NALCN: variants seen among roughly 807,000 people sequenced by gnomAD.
NALCN encodes sodium leak channel NALCN.
In NALCN, 111 loss-of-function variants were observed where a neutral mutation model predicts 225.3. That is an observed-to-expected ratio of 0.49 (90% CI 0.42 to 0.58). The LOEUF (loss-of-function observed/expected upper bound fraction) is 0.58. Ranked by LOEUF, NALCN falls within the 20% of genes least tolerant of loss-of-function variation. NALCN has a pLI of 0.00. For missense variants in NALCN, 1,378 were observed against 2,202.4 expected (o/e 0.63, Z 7.49); for synonymous variants, 764 against 769.0 (o/e 0.99, Z 0.11).
At chr13:101,203,215 CTA>C (rs2040191567) in intron 13 of NALCN, among the ~76,000 whole-genome samples, 2 of 151,460 alleles carry the variant, frequency 1.3e-5, no homozygotes, top group African/African-American at 4.9e-5. Context: ...TCCGGAATTC[CTA>C]TGTTTTCTTT....
At chr13:101,122,778 T>C (rs1433112757) in intron 18 of NALCN, among the ~76,000 whole-genome samples, 2 of 152,232 alleles carry the variant, frequency 1.3e-5, no homozygotes, top group Non-Finnish European at 2.9e-5. Flanking sequence ...TATTTTTCAA[T>C]TCAAATAACA....
At chr13:101,338,168 T>C (rs2045442549) in intron 7 of NALCN, among the ~76,000 whole-genome samples, 1 of 152,230 alleles carries the variant, frequency 6.6e-6, no homozygotes, top group Non-Finnish European at 1.5e-5. Context: ...CTTTTGAATA[T>C]ATAGAACAGG....
In NALCN at chr13:101,399,784, G is replaced by A. The variant is rs61973731; in HGVS notation, c.-39-619C>T. ...AAATTGTTCATGAAATTACATTGAG[G>A]TGGGAGATGAGATGCCTGCTAACTG... On this transcript the variant is annotated intron_variant, in intron 1 of 43. Transcript: ENST00000251127. 5.4e-3 allele frequency among the ~76,000 whole-genome samples: 825 copies of A among 152,266 alleles called. 2 individuals carry two copies. The highest frequency in any genetic ancestry group is 9.2e-3 in the Non-Finnish European group (627 of 68,014).
chr13:101,305,411 T>C (rs1367079734), intron 7 of NALCN, among the ~76,000 whole-genome samples: 2 of 152,220 alleles, frequency 1.3e-5, no homozygotes, highest in African/African-American at 4.8e-5. Flanking sequence ...GCACAAATCA[T>C]TGAAGTTAAA....
At chr13:101,287,532 C>T (rs1037102922) in intron 9 of NALCN, among the ~76,000 whole-genome samples, 2 of 152,134 alleles carry the variant, frequency 1.3e-5, no homozygotes, top group South Asian at 4.1e-4. Flanking sequence ...ATTAATAGTG[C>T]CCACTTCACA....
At position 101,231,195 on chromosome 13, in the gene NALCN, T is replaced by TACAC. The variant is rs113196890; in HGVS notation, c.1435-1615_1435-1612dup. Among the ~76,000 whole-genome samples, 31 of 151,156 alleles carry TACAC rather than the reference T, an allele frequency of 2.1e-4. 1 individual carries two copies. Among genetic ancestry groups the TACAC allele is most frequent in the African/African-American group, 7.0e-4 (29 of 41,166 alleles). On this transcript the variant is annotated intron_variant, in intron 12 of 43. Coordinates refer to ENST00000251127, the MANE Select transcript of NALCN (RefSeq NM_052867.4). ...CTGTTAAATGATGCATGACTGTGTA[T>TACAC]ACACACACACACACACATCTAAATA...
intron 3 of NALCN, among the ~76,000 whole-genome samples, chr13:101,383,765 G>A (rs1464465067): frequency 6.6e-6 from 1 of 152,156 alleles, no homozygotes; most frequent in Non-Finnish European, 1.5e-5. Context: ...ACGAGATTAT[G>A]AGATGACTTA....
At chr13:101,122,228 CA>C (rs1486887373) in intron 18 of NALCN, among the ~76,000 whole-genome samples, 2 of 152,054 alleles carry the variant, frequency 1.3e-5, no homozygotes, top group African/African-American at 4.8e-5. Context: ...AGCATAGAAG[CA>C]ATGAAGAAAC....
intron 3 of NALCN, among the ~76,000 whole-genome samples, chr13:101,390,181 C>A (rs1293392746): frequency 6.6e-6 from 1 of 151,630 alleles, no homozygotes; most frequent in African/African-American, 2.4e-5. Flanking sequence ...GACAACATGA[C>A]CAAAAGAAAT....
intron 7 of NALCN, among the ~76,000 whole-genome samples, chr13:101,328,753 A>T (rs934122183): frequency 1.3e-5 from 2 of 152,116 alleles, no homozygotes; most frequent in African/African-American, 2.4e-5. Context: ...TTCCTATGAC[A>T]CTCTGTGATA....
In NALCN at chr13:101,322,585, T is replaced by G. The variant is rs187417633; in HGVS notation, c.799+22681A>C. Among the ~76,000 whole-genome samples, 31 of 152,368 alleles carry G rather than the reference T, an allele frequency of 2.0e-4. 1 individual carries two copies. In the East Asian group the frequency reaches 2.9e-3, roughly 14 times the overall value. On this transcript the variant is annotated intron_variant, in intron 7 of 43. Coordinates refer to ENST00000251127, the MANE Select transcript of NALCN (RefSeq NM_052867.4). ...CTAATATCGTAGCAGAAGGTTGGAC[T>G]TGATGATCTCATATGTTTAGTTTCA...
intron 40 of NALCN, among the ~76,000 whole-genome samples, chr13:101,065,006 C>T (rs1231709893): frequency 6.6e-6 from 1 of 152,212 alleles, no homozygotes; most frequent in African/African-American, 2.4e-5. Flanking sequence ...GTGAGGTGCT[C>T]TGCATGTTAG....
chr13:101,138,196 T>C (rs974910772), intron 17 of NALCN, among the ~76,000 whole-genome samples: 1 of 152,198 alleles, frequency 6.6e-6, no homozygotes, highest in African/African-American at 2.4e-5. Flanking sequence ...AAGGGTACAG[T>C]TCGCATCTTG....
intron 9 of NALCN, among the ~76,000 whole-genome samples, chr13:101,284,437 G>A (rs929249555): frequency 3.9e-5 from 6 of 152,114 alleles, no homozygotes; most frequent in Admixed American, 2.6e-4. Context: ...TTTTTATTTA[G>A]TGGACAGTCT....
At position 101,149,089 on chromosome 13, in the gene NALCN, C is replaced by T. The variant is rs538672623; in HGVS notation, c.1840-4193G>A. 2.2e-4 allele frequency among the ~76,000 whole-genome samples: 33 copies of T among 152,204 alleles called. No homozygotes were observed. The East Asian group carries it at 3.7e-3, about 17-fold the overall frequency. On this transcript the variant is annotated intron_variant, in intron 15 of 43. Coordinates refer to ENST00000251127, the MANE Select transcript of NALCN (RefSeq NM_052867.4). Reference sequence around the variant, plus strand: ...TGGGCGGATCACGAGGTAAGGAGATCGAGACCATCCTGGCTAACACGGTGA... The same window carrying T: ...TGGGCGGATCACGAGGTAAGGAGATTGAGACCATCCTGGCTAACACGGTGA...
At chr13:101,117,123 C>T (rs1349470540) in intron 18 of NALCN, 1 of 365,856 alleles carries the variant, frequency 2.7e-6, no homozygotes. Flanking sequence ...GTTAGTTCTT[C>T]CCAATCTTGT....
intron 7 of NALCN, among the ~76,000 whole-genome samples, chr13:101,312,450 G>A (rs1468382520): frequency 6.6e-6 from 1 of 151,738 alleles, no homozygotes; most frequent in Non-Finnish European, 1.5e-5. Flanking sequence ...TAATTGTGAT[G>A]TTAGGGTGTC....
intron 22 of NALCN, among the ~76,000 whole-genome samples, chr13:101,107,143 C>T (rs1415125496): frequency 6.6e-6 from 1 of 152,200 alleles, no homozygotes; most frequent in African/African-American, 2.4e-5. Context: ...GGACAATGAC[C>T]TTCCTTTCAC....
In NALCN at chr13:101,143,070, C is replaced by T. The variant is rs753248087; in HGVS notation, c.2118+10G>A. On this transcript the variant is annotated intron_variant, in intron 17 of 43. Coordinates refer to ENST00000251127, the MANE Select transcript of NALCN (RefSeq NM_052867.4). ...TTAGAAGCCTGGTTATTCGAAACAG[C>T]AGATCTTACTTTTTGGTCGATGTAT... is the stretch of plus-strand genomic sequence containing the variant. 2.5e-6 allele frequency: 4 copies of T among 1,613,910 alleles called. No individual in the cohort carries two copies. The highest frequency in any genetic ancestry group is 2.2e-5 in the East Asian group (1 of 44,878).
Sources: allele counts gnomAD v4.1 joint callset (sites outside exome capture counted in the v4.1 genomes callset), GRCh38; gene constraint gnomAD v4.1.1; transcripts MANE v1.5; gene names NCBI Gene and HGNC (gene_info 2026-07-23, HGNC 2026-07-21).